The following SRSF1 variants were observed in gnomAD, a reference collection of about 807,000 sequenced individuals.
The protein encoded by SRSF1 is serine/arginine-rich splicing factor 1.
SRSF1 carries 1 observed loss-of-function variant against 25.9 expected under a neutral mutation model. That is an observed-to-expected ratio of 0.04 (90% confidence interval 0.01 to 0.18). SRSF1 has a LOEUF of 0.18. Ranked by LOEUF, SRSF1 falls within the 10% of genes least tolerant of loss-of-function variation. SRSF1 has a pLI of 1.00. For synonymous variants in SRSF1, 132 were observed against 126.2 expected, an observed-to-expected ratio of 1.05 and a Z score of -0.31; for missense variants, 65 against 350.5, an observed-to-expected ratio of 0.19 and a Z score of 6.50.
the SRSF1 span, chr17:57,990,610 G>A: frequency 6.6e-6 from 1 of 152,140 alleles, no homozygotes; most frequent in Non-Finnish European, 1.5e-5. Flanking sequence ...CAAACAAAAA[G>A]GAGCTCTCTC....
At chr17:57,999,102 C>T (rs554439632), downstream of SRSF1, among the ~76,000 whole-genome samples, 1 of 152,254 alleles carries the variant, frequency 6.6e-6, no homozygotes, top group East Asian at 1.9e-4. Context: ...TTTTTGATCA[C>T]AAGACAACCT....
At position 58,001,843 on chromosome 17, in the gene SRSF1, A is replaced by G. The variant is rs1321177862; in HGVS notation, c.*3563T>C. On this transcript the variant is annotated 3_prime_UTR_variant, in exon 4 of 4. Transcript: ENST00000258962. Reference sequence around the variant, plus strand: ...ATGCCCCTTTACCTAAGTAAACATTAGATCCTCTCTAATCTTCAAATTCAG... The same window carrying G: ...ATGCCCCTTTACCTAAGTAAACATTGGATCCTCTCTAATCTTCAAATTCAG... Among the ~76,000 whole-genome samples, 1 of 152,222 alleles carries G rather than the reference A, an allele frequency of 6.6e-6. No homozygotes were observed. Among genetic ancestry groups the G allele is most frequent in the African/African-American group, 2.4e-5 (1 of 41,460 alleles).
At chr17:58,000,376 C>T (rs117585109), downstream of SRSF1, among the ~76,000 whole-genome samples, 5 of 152,268 alleles carry the variant, frequency 3.3e-5, no homozygotes, top group East Asian at 9.6e-4. Context: ...ACATAATGAA[C>T]AGATGTTTCC....
Position 58,003,475 on chromosome 17 carries a change from A to G in SRSF1, c.*1931T>C, listed in dbSNP as rs2075406972. ...CCAGTTAGAATCTTACATGAAGAGG[A>G]AAAAGGACAACCATGCATAGTTTTT... On this transcript the variant is annotated 3_prime_UTR_variant, in exon 4 of 4. Transcript: ENST00000258962. The G allele has an allele frequency of 6.6e-6, 1 of 152,254 alleles. No homozygotes were observed. Among genetic ancestry groups the G allele is most frequent in the South Asian group, 2.1e-4 (1 of 4,832 alleles). The allele number at this position is 152,254 out of a possible 1,614,324, so 9.4% of individuals were successfully genotyped here. A position where few individuals can be genotyped will look rare whatever the true frequency, so the allele number is the denominator to read the frequency against.
At chr17:57,994,710 G>C in the SRSF1 span, 1 of 152,214 alleles carries the variant, frequency 6.6e-6, no homozygotes, top group African/African-American at 2.4e-5. Flanking sequence ...CCAAAGGCCA[G>C]CCAGGACACC....
downstream of SRSF1, among the ~76,000 whole-genome samples, chr17:57,996,087 A>G (rs2075363360): frequency 6.6e-6 from 1 of 152,236 alleles, no homozygotes; most frequent in South Asian, 2.1e-4. Context: ...TATGTGGCAC[A>G]CCTGCCTAAG....
chr17:58,005,272 G>A lies in SRSF1; in HGVS notation c.*134C>T, dbSNP rs370739604. The stretch of plus-strand genomic sequence containing the variant: ...GGAATGTAGATGTTAGGAGCAAGGG[G>A]ATATTACAAGAATGCAATTCAACAC... On this transcript the variant is annotated 3_prime_UTR_variant, in exon 4 of 4. Transcript: ENST00000258962. The surrounding 1 kb of genome is among the most constrained non-coding windows in gnomAD (Gnocchi z 5.2). 11 of 860,634 alleles carry A rather than the reference G, an allele frequency of 1.3e-5. No individual in the cohort carries two copies. Among genetic ancestry groups the A allele is most frequent in the East Asian group, 1.0e-4 (4 of 40,164 alleles). 53.3% of individuals were successfully genotyped at this position (860,634 alleles called of 1,614,324 possible). A position where few individuals can be genotyped will look rare whatever the true frequency, so the allele number is the denominator to read the frequency against.
Position 58,004,848 on chromosome 17 carries a change from A to G in SRSF1, c.*558T>C. 2.5e-6 allele frequency: 1 copy of G among 398,470 alleles called. No individual in the cohort carries two copies. The allele number at this position is 398,470 out of a possible 1,614,324, so 24.7% of individuals were successfully genotyped here. ...TGTTTTAAGGAAAATGTATATAATC[A>G]TTTTTAACCCCTGCCTTTTAGTATA... On this transcript the variant is annotated 3_prime_UTR_variant, in exon 4 of 4. Coordinates refer to ENST00000258962, the MANE Select transcript of SRSF1 (RefSeq NM_006924.5).
chr17:57,999,833 C>G (rs967299321), downstream of SRSF1, among the ~76,000 whole-genome samples: 7 of 152,108 alleles, frequency 4.6e-5, no homozygotes, highest in African/African-American at 1.7e-4. Context: ...AGTATAGCAT[C>G]CTAGAGAAGC....
At position 58,006,257 on chromosome 17, in the gene SRSF1, T is replaced by C. The variant is rs1171250863; in HGVS notation, c.379+86A>G. 4.8e-6 allele frequency: 7 copies of C among 1,465,934 alleles called. No homozygotes were observed. The East Asian group carries it at 1.4e-4, about 29-fold the overall frequency. 90.8% of individuals were successfully genotyped at this position (1,465,934 alleles called of 1,614,324 possible). A position where few individuals can be genotyped will look rare whatever the true frequency, so the allele number is the denominator to read the frequency against. On this transcript the variant is annotated intron_variant, in intron 2 of 3. Coordinates refer to ENST00000258962, the MANE Select transcript of SRSF1 (RefSeq NM_006924.5). ...CAATTTAAGACCTAGCATGAAAAAT[T>C]TGCAATTATTAAACCTGTCACGCAA... is the stretch of plus-strand genomic sequence containing the variant.
chr17:58,006,864 TTC>T, intron 1 of SRSF1, 78 bp downstream of exon 1: 1 of 1,469,736 alleles, frequency 6.8e-7, no homozygotes. Flanking sequence ...CGCTTCCCCG[TTC>T]TCTATGTTAA....
At chr17:57,990,150 G>GAC in the SRSF1 span, 1 of 159,300 alleles carries the variant, frequency 6.3e-6, no homozygotes, top group Non-Finnish European at 1.4e-5. Context: ...TTATTCTAAT[G>GAC]ACAATATCGC....
In SRSF1 at chr17:58,003,108, C is replaced by T. The variant is rs2075403765; in HGVS notation, c.*2298G>A. 6.6e-6 allele frequency among the ~76,000 whole-genome samples: 1 copy of T among 152,210 alleles called. No individual in the cohort carries two copies. Among genetic ancestry groups the T allele is most frequent in the Admixed American group, 6.5e-5 (1 of 15,270 alleles). The stretch of plus-strand genomic sequence containing the variant: ...TTTCATTGAGAATATCAAAAGCTAT[C>T]TCCAAGTGAACATTAGTAGCCATCA... On this transcript the variant is annotated 3_prime_UTR_variant, in exon 4 of 4. Transcript: ENST00000258962.
chr17:57,997,409 C>T (rs1322202317), downstream of SRSF1, among the ~76,000 whole-genome samples: 1 of 152,158 alleles, frequency 6.6e-6, no homozygotes, highest in East Asian at 1.9e-4. Context: ...CTTCCCATCT[C>T]GCCCATCAAT....
In SRSF1 at chr17:58,004,649, A is replaced by G. The variant is rs2075414919; in HGVS notation, c.*757T>C. ...GGTCACACATTAACAGTTGTAACTA[A>G]GCACTGTGACAAATTAGCCAGTTCT... On this transcript the variant is annotated 3_prime_UTR_variant, in exon 4 of 4. Coordinates refer to ENST00000258962, the MANE Select transcript of SRSF1 (RefSeq NM_006924.5). 1 of 242,800 alleles carries G rather than the reference A, an allele frequency of 4.1e-6. No homozygotes were observed. The highest frequency in any genetic ancestry group is 7.8e-6 in the Non-Finnish European group (1 of 127,438). 15.0% of individuals were successfully genotyped at this position (242,800 alleles called of 1,614,324 possible). A position where few individuals can be genotyped will look rare whatever the true frequency, so the allele number is the denominator to read the frequency against.
At chr17:57,994,156 A>G in the SRSF1 span, 1 of 152,218 alleles carries the variant, frequency 6.6e-6, no homozygotes, top group Non-Finnish European at 1.5e-5. Flanking sequence ...AGGCCAATTT[A>G]TTTATAATAT....
At chr17:57,991,427 G>A in the SRSF1 span, 1 of 152,166 alleles carries the variant, frequency 6.6e-6, no homozygotes, top group Non-Finnish European at 1.5e-5. Context: ...AAAACTTTCA[G>A]TAGGGAATAT....
Position 58,001,676 on chromosome 17 carries a change from G to C in SRSF1, c.*3730C>G, listed in dbSNP as rs34592492. 0.086 allele frequency among the ~76,000 whole-genome samples: 13,084 copies of C among 152,184 alleles called. 697 individuals carry two copies. Among genetic ancestry groups the C allele is most frequent in the African/African-American group, 0.15 (6,427 of 41,492 alleles). On this transcript the variant is annotated 3_prime_UTR_variant, in exon 4 of 4. Transcript: ENST00000258962. ...GGGAAATTCCAAGACAGCTTTTGTA[G>C]TTTCAAAAGGGTGTAACTTTCTTCT...
the SRSF1 span, chr17:57,990,087 A>G: frequency 1.3e-5 from 3 of 228,956 alleles, no homozygotes; most frequent in Non-Finnish European, 2.5e-5. Context: ...TGCCTTTCAA[A>G]TTGGTGAAAA....
Sources: gnomAD v4.1 joint callset for allele counts (sites outside exome capture counted in the v4.1 genomes callset) on GRCh38, gnomAD v4.1.1 for gene constraint, Gnocchi (gnomAD v3.1) non-coding constraint, MANE v1.5 for transcripts, NCBI Gene and HGNC (gene_info 2026-07-23, HGNC 2026-07-21) for gene names.